FMN2: variants seen among roughly 807,000 people sequenced by gnomAD.
The protein encoded by FMN2 is formin 2, also known as formin-2.
A neutral mutation model predicts 142.3 loss-of-function variants in FMN2; 51 were observed. That is an observed-to-expected ratio of 0.36 (90% CI 0.29 to 0.45). The LOEUF is 0.45. Ranked by LOEUF, FMN2 falls within the 20% of genes least tolerant of loss-of-function variation. The probability of loss-of-function intolerance (pLI) is 1.00; values close to 1 mark genes in which losing one functional copy is unlikely to be tolerated. For synonymous variants in FMN2, 882 were observed against 869.8 expected, an observed-to-expected ratio of 1.01 and a Z score of -0.25; for missense variants, 1,936 against 2,122.8, an observed-to-expected ratio of 0.91 and a Z score of 1.73.
chr1:240,296,234 G>A (rs1403157795), intron 8 of FMN2, among the ~76,000 whole-genome samples: 1 of 150,230 alleles, frequency 6.7e-6, no homozygotes, highest in East Asian at 2.0e-4. Context: ...TAGAGAAAGG[G>A]AGTAAGGTAT....
chr1:240,184,862 A>G (rs569047980), intron 3 of FMN2, among the ~76,000 whole-genome samples: 27 of 152,036 alleles, frequency 1.8e-4, no homozygotes, highest in African/African-American at 5.1e-4. Context: ...CTCTTCAGCC[A>G]TTACTGGTAC....
intron 15 of FMN2, among the ~76,000 whole-genome samples, chr1:240,431,155 G>A (rs1427701008): frequency 6.6e-6 from 1 of 151,498 alleles, no homozygotes; most frequent in South Asian, 2.1e-4. Flanking sequence ...ACTTTTATTT[G>A]ATTTATTGTT....
chr1:240,172,139 G>C (rs1355275052), intron 2 of FMN2, among the ~76,000 whole-genome samples: 7 of 152,062 alleles, frequency 4.6e-5, no homozygotes, highest in African/African-American at 1.7e-4. Flanking sequence ...GTAACTGGTA[G>C]CTAGAAACTC....
intron 4 of FMN2, among the ~76,000 whole-genome samples, chr1:240,194,326 T>C (rs1665830616): frequency 6.6e-6 from 1 of 152,210 alleles, no homozygotes; most frequent in African/African-American, 2.4e-5. Context: ...TATTCCACTT[T>C]TAACTGGGGA....
At chr1:240,228,852 T>G (rs183515171) in intron 6 of FMN2, among the ~76,000 whole-genome samples, 125 of 152,226 alleles carry the variant, frequency 8.2e-4, no homozygotes, top group Non-Finnish European at 1.5e-3. Flanking sequence ...TAAAGCATAA[T>G]ATAGTTTTAT....
intron 15 of FMN2, among the ~76,000 whole-genome samples, chr1:240,430,982 T>TAAAAAA (rs377031896): frequency 9.2e-5 from 13 of 141,628 alleles, no homozygotes; most frequent in African/African-American, 3.3e-4. Flanking sequence ...TCAGTCCCTT[T>TAAAAAA]AAAAAAAAAA....
chr1:240,166,531 C>A (rs1664488882), intron 2 of FMN2, among the ~76,000 whole-genome samples: 1 of 151,946 alleles, frequency 6.6e-6, no homozygotes, highest in Non-Finnish European at 1.5e-5. Flanking sequence ...CACCCAGCCT[C>A]GTGTATTATA....
In FMN2 at chr1:240,410,467, G is replaced by A. The variant is rs189741416; in HGVS notation, c.4910+17905G>A. On this transcript the variant is annotated intron_variant, in intron 15 of 17. Coordinates refer to ENST00000319653, the MANE Select transcript of FMN2 (RefSeq NM_020066.5). Reference sequence around the variant, plus strand: ...GCCTTAGGATTATAAGGTTCTGCTAGAAGTAAGATCTGGATTTCTGGATTT... The same window carrying A: ...GCCTTAGGATTATAAGGTTCTGCTAAAAGTAAGATCTGGATTTCTGGATTT... Among the ~76,000 whole-genome samples the A allele has an allele frequency of 1.3e-3, 205 of 152,292 alleles. 1 individual carries two copies. Among genetic ancestry groups the A allele is most frequent in the Non-Finnish European group, 2.1e-3 (146 of 68,016 alleles).
chr1:240,129,385 G>A (rs568667651), intron 2 of FMN2, among the ~76,000 whole-genome samples: 1 of 151,710 alleles, frequency 6.6e-6, no homozygotes, highest in Admixed American at 6.6e-5. Flanking sequence ...TTTAAAGATG[G>A]TATTAAGATG....
chr1:240,214,368 G>A (rs1270251289), intron 6 of FMN2, among the ~76,000 whole-genome samples: 2 of 151,606 alleles, frequency 1.3e-5, no homozygotes, highest in Non-Finnish European at 2.9e-5. Flanking sequence ...TGGCTAACAT[G>A]TAGAAACCCC....
In FMN2 at chr1:240,344,809, A is replaced by G. The variant is rs150063707; in HGVS notation, c.4765+10580A>G. Reference sequence around the variant, plus strand: ...GATTACTTCCCTGTCATTTTGAGTTAAAGTACATTTTATTTTATAAATTAT... The same window carrying G: ...GATTACTTCCCTGTCATTTTGAGTTGAAGTACATTTTATTTTATAAATTAT... On this transcript the variant is annotated intron_variant, in intron 13 of 17. Transcript: ENST00000319653. Among the ~76,000 whole-genome samples, 146 of 152,338 alleles carry G rather than the reference A, an allele frequency of 9.6e-4. 1 individual carries two copies. The East Asian group carries it at 0.024, about 25-fold the overall frequency.
intron 15 of FMN2, among the ~76,000 whole-genome samples, chr1:240,429,580 C>T (rs1416147538): frequency 6.6e-6 from 1 of 152,160 alleles, no homozygotes; most frequent in Non-Finnish European, 1.5e-5. Context: ...GTATTTACTT[C>T]ACACTTCTCT....
intron 6 of FMN2, among the ~76,000 whole-genome samples, chr1:240,242,081 G>A (rs576352395): frequency 1.7e-4 from 26 of 152,188 alleles, no homozygotes; most frequent in African/African-American, 6.3e-4. Context: ...TCCTGACCTC[G>A]TGATCCGCCT....
intron 2 of FMN2, among the ~76,000 whole-genome samples, chr1:240,159,213 C>T (rs561872121): frequency 6.6e-6 from 1 of 151,996 alleles, no homozygotes; most frequent in East Asian, 1.9e-4. Context: ...TAAATCCACC[C>T]TATGAAACTT....
rs191634635 is a variant in FMN2, at chr1:240,352,354, G to C, written c.4766-3462G>C. ...CTCAGCACTTTGGGAGGCCAAAGCA[G>C]GTGGATCACCTGAGGTCAGGAGTTC... On this transcript the variant is annotated intron_variant, in intron 13 of 17. Transcript: ENST00000319653. Among the ~76,000 whole-genome samples, 623 of 152,214 alleles carry C rather than the reference G, an allele frequency of 4.1e-3. 5 individuals carry two copies. The highest frequency in any genetic ancestry group is 0.014 in the African/African-American group (586 of 41,530).
chr1:240,310,680 TA>T (rs1392178730), intron 8 of FMN2, among the ~76,000 whole-genome samples: 1 of 152,242 alleles, frequency 6.6e-6, no homozygotes, highest in Non-Finnish European at 1.5e-5. Context: ...GTTGGTTAAC[TA>T]TATCTATTGC....
At chr1:240,167,117 A>G (rs1248047820) in intron 2 of FMN2, among the ~76,000 whole-genome samples, 5 of 152,184 alleles carry the variant, frequency 3.3e-5, no homozygotes, top group African/African-American at 7.2e-5. Context: ...GCAGGACTCC[A>G]TCTCAAACAA....
rs34012500 is a variant in FMN2 at position 240,159,905 on chromosome 1, GTATATA to G, written c.1783-17994_1783-17989del. On this transcript the variant is annotated intron_variant, in intron 2 of 17. Transcript: ENST00000319653. ...TGGAGAGATATATATATATATCTGT[GTATATA>G]TATATATATATATATATATATTTGT... Among the ~76,000 whole-genome samples, 1,058 of 120,084 alleles carry G rather than the reference GTATATA, an allele frequency of 8.8e-3. 3 individuals are homozygous for G. The highest frequency in any genetic ancestry group is 0.029 in the Middle Eastern group (6 of 208). 78.8% of individuals were successfully genotyped at this position (120,084 alleles called of 152,430 possible).
At chr1:240,165,313 C>T (rs967618890) in intron 2 of FMN2, among the ~76,000 whole-genome samples, 6 of 151,988 alleles carry the variant, frequency 3.9e-5, no homozygotes, top group African/African-American at 1.5e-4. Context: ...GTAGCTGGGA[C>T]TACAGGTATG....
Sources: gnomAD v4.1 joint callset for allele counts (sites outside exome capture counted in the v4.1 genomes callset) on GRCh38, gnomAD v4.1.1 for gene constraint, MANE v1.5 for transcripts, NCBI Gene and HGNC (gene_info 2026-07-23, HGNC 2026-07-21) for gene names.